The following RBPMS variants were observed in gnomAD, a reference collection of about 807,000 sequenced individuals.
The protein encoded by RBPMS is RNA-binding protein with multiple splicing.
RBPMS carries 7 observed loss-of-function variants against 26.8 expected under a neutral mutation model. The observed-to-expected ratio is 0.26, with a 90% CI of 0.15 to 0.49. RBPMS has a LOEUF of 0.49. Among genes scored for constraint, RBPMS ranks in the 20% least tolerant of loss-of-function variants. The probability of loss-of-function intolerance (pLI) is 0.98; values close to 1 mark genes in which losing one functional copy is unlikely to be tolerated. For missense variants in RBPMS, 186 were observed against 250.0 expected, an observed-to-expected ratio of 0.74 and a Z score of 1.73; for synonymous variants, 96 against 93.3, an observed-to-expected ratio of 1.03 and a Z score of -0.17.
chr8:30,488,895 A>G (rs2150879013), intron 4 of RBPMS, among the ~76,000 whole-genome samples: 1 of 152,312 alleles, frequency 6.6e-6, no homozygotes, highest in South Asian at 2.1e-4. Flanking sequence ...GGGTGTCCGA[A>G]TCCAGCGGAC....
intron 1 of RBPMS, among the ~76,000 whole-genome samples, chr8:30,448,231 G>A (rs1814108275): frequency 6.6e-6 from 1 of 152,210 alleles, no homozygotes; most frequent in East Asian, 1.9e-4. Context: ...TGTTGGGTAA[G>A]CATTGCAAGA....
At chr8:30,445,912 G>C (rs1171967072) in intron 1 of RBPMS, among the ~76,000 whole-genome samples, 4 of 151,872 alleles carry the variant, frequency 2.6e-5, no homozygotes, top group Non-Finnish European at 5.9e-5. Flanking sequence ...TGATCCACCC[G>C]CCTCAGCCTC....
chr8:30,458,990 TCTCA>T (rs1403036540), intron 1 of RBPMS, among the ~76,000 whole-genome samples: 2 of 138,190 alleles, frequency 1.4e-5, no homozygotes, highest in African/African-American at 2.8e-5. Flanking sequence ...TGAGACGGAG[TCTCA>T]CTCTTGTCAC....
chr8:30,410,394 G>A (rs1809219306), intron 1 of RBPMS, among the ~76,000 whole-genome samples: 1 of 151,932 alleles, frequency 6.6e-6, no homozygotes, highest in Admixed American at 6.6e-5. Flanking sequence ...ATTTTTAGTA[G>A]AGATGGGGTT....
chr8:30,560,866 A>G (rs1308811015), intron 7 of RBPMS, among the ~76,000 whole-genome samples: 2 of 152,120 alleles, frequency 1.3e-5, no homozygotes, highest in Admixed American at 1.3e-4. Flanking sequence ...CAGAAACGAA[A>G]CCAGAGGCCC....
rs546852115 is a variant in RBPMS, at chr8:30,385,847, T to C, written c.66+689T>C. Reference sequence around the variant, plus strand: ...GACTTTGACTTCTGAGCATGCATTTTAGGTGGTGCGTCCGTAATCATGATG... The same window carrying C: ...GACTTTGACTTCTGAGCATGCATTTCAGGTGGTGCGTCCGTAATCATGATG... On this transcript the variant is annotated intron_variant, in intron 1 of 8. Transcript: ENST00000397323. Among the ~76,000 whole-genome samples, 6 of 152,276 alleles carry C rather than the reference T, an allele frequency of 3.9e-5. No homozygotes were observed. The East Asian group carries it at 1.2e-3, about 29-fold the overall frequency.
chr8:30,547,252 TA>T, intron 6 of RBPMS: 4 of 1,374,440 alleles, frequency 2.9e-6, no homozygotes, highest in Non-Finnish European at 2.0e-6. Flanking sequence ...TTAGCAATGT[TA>T]TGCTCTATTT....
At chr8:30,545,719 T>A (rs1825813900) in intron 6 of RBPMS, 1 of 152,170 alleles carries the variant, frequency 6.6e-6, no homozygotes, top group Non-Finnish European at 1.5e-5. Context: ...TTCTTGAAAG[T>A]CATGGGGTCG....
intron 4 of RBPMS, among the ~76,000 whole-genome samples, chr8:30,494,130 C>T (rs1819679575): frequency 6.6e-6 from 1 of 152,184 alleles, no homozygotes; most frequent in African/African-American, 2.4e-5. Context: ...TGTGAACCAA[C>T]AGACATGGGG....
chr8:30,411,985 C>CAAAAAAA (rs11367222), intron 1 of RBPMS, among the ~76,000 whole-genome samples: 1 of 120,966 alleles, frequency 8.3e-6, no homozygotes, highest in African/African-American at 2.9e-5. Flanking sequence ...GACTTCGTCT[C>CAAAAAAA]AAAAAAAAAA....
chr8:30,476,757 G>A (rs11988541), intron 2 of RBPMS, among the ~76,000 whole-genome samples: 29,543 of 151,972 alleles, frequency 0.19, 3,237 homozygotes, highest in South Asian at 0.39. Context: ...CCCCTGTGTC[G>A]TCCGTTAATG....
chr8:30,451,586 T>C (rs561654288), intron 1 of RBPMS, among the ~76,000 whole-genome samples: 1 of 152,316 alleles, frequency 6.6e-6, no homozygotes, highest in East Asian at 1.9e-4. Flanking sequence ...TATTTCAGGC[T>C]CTCTAGAAGT....
chr8:30,434,187 G>GCTTCTAA (rs1812212331), intron 1 of RBPMS, among the ~76,000 whole-genome samples: 1 of 151,842 alleles, frequency 6.6e-6, no homozygotes, highest in Non-Finnish European at 1.5e-5. Flanking sequence ...ATCCTTCTAA[G>GCTTCTAA]GTATAAAATG....
intron 7 of RBPMS, chr8:30,562,073 G>A: frequency 2.0e-6 from 2 of 981,750 alleles, no homozygotes; most frequent in South Asian, 4.7e-5. Flanking sequence ...CCTCACGCCT[G>A]TCATCCCAGC....
chr8:30,511,201 G>T (rs1013055421), intron 5 of RBPMS, among the ~76,000 whole-genome samples: 1 of 152,024 alleles, frequency 6.6e-6, no homozygotes, highest in African/African-American at 2.4e-5. Context: ...TGTAATCTCA[G>T]CTACTCCGGA....
intron 6 of RBPMS, chr8:30,555,888 T>G: frequency 1.0e-6 from 1 of 985,428 alleles, no homozygotes; most frequent in Non-Finnish European, 1.2e-6. Context: ...ACACAGTGAT[T>G]AGCGCGGAGC....
chr8:30,551,238 ATCCG>A (rs1826342858), intron 6 of RBPMS, among the ~76,000 whole-genome samples: 1 of 152,132 alleles, frequency 6.6e-6, no homozygotes, highest in South Asian at 2.1e-4. Flanking sequence ...CTCCAAAACC[ATCCG>A]TCCAGGGTGT....
intron 5 of RBPMS, among the ~76,000 whole-genome samples, chr8:30,525,203 ATCCAAGTTAACTTTTAAAAGTC>A: frequency 6.6e-6 from 1 of 152,348 alleles, no homozygotes; most frequent in South Asian, 2.1e-4. Context: ...CCTAGTTCAA[ATCCAAGTTAACTTTTAAAAGTC>A]TAAAATATAC....
intron 7 of RBPMS, among the ~76,000 whole-genome samples, chr8:30,560,686 A>G (rs950497236): frequency 1.3e-5 from 2 of 152,206 alleles, no homozygotes; most frequent in African/African-American, 4.8e-5. Context: ...TTCTTTACCC[A>G]AAGATTCTCA....
Sources: gnomAD v4.1 joint callset for allele counts (sites outside exome capture counted in the v4.1 genomes callset) on GRCh38, gnomAD v4.1.1 for gene constraint, MANE v1.5 for transcripts, NCBI Gene and HGNC (gene_info 2026-07-23, HGNC 2026-07-21) for gene names.